Variants in BLK observed in about 807,000 individuals in gnomAD.
The protein encoded by BLK is tyrosine-protein kinase Blk.
In BLK, 64 loss-of-function variants were observed where a neutral mutation model predicts 61.8. The ratio of observed to expected loss-of-function variants is 1.03; its 90% CI spans 0.85 to 1.27. BLK has a LOEUF of 1.27. Ranked by LOEUF, BLK falls within the 50% of genes most tolerant of loss-of-function variation. BLK has a pLI of 0.00. For synonymous variants in BLK, 351 were observed against 272.0 expected, an observed-to-expected ratio of 1.29 and a Z score of -2.86; for missense variants, 853 against 660.5, an observed-to-expected ratio of 1.29 and a Z score of -3.19.
At chr8:11,507,923 C>G (rs1046529981) in intron 1 of BLK, among the ~76,000 whole-genome samples, 1 of 152,204 alleles carries the variant, frequency 6.6e-6, no homozygotes, top group African/African-American at 2.4e-5. Context: ...GGGCCCAGCA[C>G]TGCTAATCGG....
chr8:11,504,062 ACCTGTAATCTCAGT>A (rs915483487), intron 1 of BLK, among the ~76,000 whole-genome samples: 2 of 152,152 alleles, frequency 1.3e-5, no homozygotes, highest in African/African-American at 4.8e-5. Flanking sequence ...AGTGGCACAC[ACCTGTAATCTCAGT>A]ACTTTGGGAG....
rs71203393 is a variant in BLK at position 11,520,476 on chromosome 8, CAAAAAAAAAAA to C, written c.-1-22732_-1-22722del. ...TGGGCAATGGAGCAAGACCTTGTCTCAAAAAAAAAAAAAAAAAAAAAAAAAAGGAAGAAAGA... is the reference window on the plus strand; with the variant it reads ...TGGGCAATGGAGCAAGACCTTGTCTCAAAAAAAAAAAAAAAGGAAGAAAGA... On this transcript the variant is annotated intron_variant, in intron 1 of 12. Coordinates refer to ENST00000259089, the MANE Select transcript of BLK (RefSeq NM_001715.3). Among the ~76,000 whole-genome samples, 10 of 69,678 alleles carry C rather than the reference CAAAAAAAAAAA, an allele frequency of 1.4e-4. No individual in the cohort carries two copies. The East Asian group carries it at 1.5e-3, about 10-fold the overall frequency. 45.7% of individuals were successfully genotyped at this position (69,678 alleles called of 152,430 possible).
At chr8:11,521,539 C>G (rs750523027) in intron 1 of BLK, among the ~76,000 whole-genome samples, 12 of 152,252 alleles carry the variant, frequency 7.9e-5, no homozygotes, top group Non-Finnish European at 1.3e-4. Context: ...GGTACGCCCA[C>G]CTTAGCCTCC....
chr8:11,548,460 A>C lies in BLK; in HGVS notation c.269+335A>C, dbSNP rs553555680. 7.2e-4 allele frequency among the ~76,000 whole-genome samples: 109 copies of C among 152,250 alleles called. 4 individuals carry two copies. The South Asian group carries it at 0.021, about 30-fold the overall frequency. ...GCTGTTCCGTGAAAGCCTTGCATTTAAGCCAGTTGTGTCCATATTTGTCTC... is the reference window on the plus strand; with the variant it reads ...GCTGTTCCGTGAAAGCCTTGCATTTCAGCCAGTTGTGTCCATATTTGTCTC... On this transcript the variant is annotated intron_variant, in intron 4 of 12. Coordinates refer to ENST00000259089, the MANE Select transcript of BLK (RefSeq NM_001715.3).
chr8:11,559,388 C>G (rs1029754793), intron 10 of BLK, among the ~76,000 whole-genome samples: 74 of 111,912 alleles, frequency 6.6e-4, no homozygotes, highest in South Asian at 5.2e-4. Flanking sequence ...CAAACTCACA[C>G]ACAGACAGAC....
At chr8:11,562,010 G>T (rs1585424348) in intron 11 of BLK, among the ~76,000 whole-genome samples, 1 of 151,986 alleles carries the variant, frequency 6.6e-6, no homozygotes, top group African/African-American at 2.4e-5. Flanking sequence ...GTAGAGATGG[G>T]GTTTCACCAT....
chr8:11,540,954 T>G (rs1409358883), intron 1 of BLK, among the ~76,000 whole-genome samples: 3 of 152,112 alleles, frequency 2.0e-5, no homozygotes, highest in African/African-American at 7.2e-5. Context: ...GAATACAGAT[T>G]CTCATTCTAA....
intron 1 of BLK, among the ~76,000 whole-genome samples, chr8:11,520,652 G>C (rs906212518): frequency 1.3e-5 from 2 of 152,134 alleles, no homozygotes; most frequent in African/African-American, 4.8e-5. Flanking sequence ...ATTCAGAAGT[G>C]AGAGACGCCT....
chr8:11,539,575 T>A lies in BLK; in HGVS notation c.-1-3649T>A, dbSNP rs866618774. On this transcript the variant is annotated intron_variant, in intron 1 of 12. Coordinates refer to ENST00000259089, the MANE Select transcript of BLK (RefSeq NM_001715.3). ...GAGTGGGACTGAAAATCAAAAGGTA[T>A]GTGTGCTTTTTTATTTTAACAGAAT... Among the ~76,000 whole-genome samples the A allele has an allele frequency of 3.9e-5, 6 of 152,332 alleles. No homozygotes were observed. In the South Asian group the frequency reaches 1.2e-3, roughly 32 times the overall value.
intron 1 of BLK, among the ~76,000 whole-genome samples, chr8:11,534,612 C>A (rs1021851447): frequency 2.6e-5 from 4 of 152,200 alleles, no homozygotes; most frequent in Admixed American, 2.0e-4. Flanking sequence ...ACCTGAAAAT[C>A]TTTTCTATCA....
At chr8:11,516,589 G>A (rs1047848911) in intron 1 of BLK, among the ~76,000 whole-genome samples, 6 of 151,996 alleles carry the variant, frequency 3.9e-5, no homozygotes, top group Admixed American at 2.0e-4. Context: ...CTAACTCCCC[G>A]ACCCAGCCCC....
chr8:11,541,267 C>T (rs1306824387), intron 1 of BLK, among the ~76,000 whole-genome samples: 1 of 151,950 alleles, frequency 6.6e-6, no homozygotes, highest in African/African-American at 2.4e-5. Context: ...GACACTGTCT[C>T]AAAACAAAAT....
chr8:11,526,113 A>C (rs972693095), intron 1 of BLK, among the ~76,000 whole-genome samples: 1 of 152,090 alleles, frequency 6.6e-6, no homozygotes, highest in Non-Finnish European at 1.5e-5. Context: ...TACAGTTACA[A>C]CTTCAAGAAA....
intron 4 of BLK, among the ~76,000 whole-genome samples, chr8:11,548,613 T>C (rs1800755639): frequency 6.6e-6 from 1 of 152,236 alleles, no homozygotes; most frequent in Non-Finnish European, 1.5e-5. Flanking sequence ...TGTGGAGCTC[T>C]GAGGGTCTGA....
intron 1 of BLK, among the ~76,000 whole-genome samples, chr8:11,506,973 A>G (rs1364603391): frequency 2.0e-5 from 3 of 152,208 alleles, no homozygotes; most frequent in African/African-American, 7.2e-5. Flanking sequence ...TTCCTGTGAC[A>G]ATGGGTGCAG....
chr8:11,532,156 G>T (rs1799911992), intron 1 of BLK, among the ~76,000 whole-genome samples: 1 of 146,156 alleles, frequency 6.8e-6, no homozygotes, highest in African/African-American at 2.6e-5. Context: ...AATGTACCTG[G>T]TCATGTTTTT....
intron 11 of BLK, among the ~76,000 whole-genome samples, chr8:11,562,359 C>A (rs1450974791): frequency 2.0e-5 from 3 of 152,178 alleles, no homozygotes; most frequent in African/African-American, 7.2e-5. Flanking sequence ...AGATGACAAG[C>A]AGACAGGATA....
rs376135672 is a variant in BLK, at chr8:11,499,624, C to G, written c.-2+5033C>G. Among the ~76,000 whole-genome samples the G allele has an allele frequency of 4.1e-3, 619 of 152,308 alleles. 1 individual carries two copies. Among genetic ancestry groups the G allele is most frequent in the African/African-American group, 0.014 (588 of 41,576 alleles). On this transcript the variant is annotated intron_variant, in intron 1 of 12. Coordinates refer to ENST00000259089, the MANE Select transcript of BLK (RefSeq NM_001715.3). ...ATGACGTTAAGCTGTTCGCATTCCA[C>G]CCAGGACCTCCACAGGAGAAGCCCA...
intron 2 of BLK, 100 bp from the exon 3 acceptor site, chr8:11,545,952 C>T (rs1800614541): frequency 2.8e-5 from 36 of 1,271,252 alleles, no homozygotes; most frequent in South Asian, 4.8e-5. Flanking sequence ...TCAGTAGGTC[C>T]CTGGAGATAC....
Sources: gnomAD v4.1 joint callset for allele counts (sites outside exome capture counted in the v4.1 genomes callset) on GRCh38, gnomAD v4.1.1 for gene constraint, MANE v1.5 for transcripts, NCBI Gene and HGNC (gene_info 2026-07-23, HGNC 2026-07-21) for gene names.